Variants in ACADSB observed in about 807,000 individuals in gnomAD.
ACADSB encodes acyl-CoA dehydrogenase short/branched chain, also known as short/branched chain specific acyl-CoA dehydrogenase, mitochondrial.
ACADSB carries 40 observed loss-of-function variants against 54.1 expected under a neutral mutation model. The ratio of observed to expected loss-of-function variants is 0.74; its 90% CI spans 0.57 to 0.96. The LOEUF (loss-of-function observed/expected upper bound fraction) is 0.96. Ranked by LOEUF, ACADSB falls within the 40% of genes least tolerant of loss-of-function variation. The pLI is 0.00. For missense variants in ACADSB, 530 were observed against 510.4 expected (o/e 1.04, Z -0.37); for synonymous variants, 182 against 182.8 (o/e 1.00, Z 0.03).
intron 1 of ACADSB, among the ~76,000 whole-genome samples, chr10:123,014,157 C>T (rs1850082270): frequency 6.6e-6 from 1 of 152,064 alleles, no homozygotes. Flanking sequence ...CTCTCTCTTT[C>T]TCTCCCCTCA....
At chr10:123,031,713 C>T (rs1850329577) in intron 1 of ACADSB, among the ~76,000 whole-genome samples, 1 of 152,202 alleles carries the variant, frequency 6.6e-6, no homozygotes, top group Non-Finnish European at 1.5e-5. Flanking sequence ...GGATTCCATT[C>T]ACTTAGCATA....
chr10:123,019,729 G>A (rs1425981726), intron 1 of ACADSB, among the ~76,000 whole-genome samples: 1 of 152,158 alleles, frequency 6.6e-6, no homozygotes, highest in Non-Finnish European at 1.5e-5. Flanking sequence ...ACATGTATAT[G>A]TGTGTGTAGG....
chr10:123,018,858 C>T (rs1190219935), intron 1 of ACADSB, among the ~76,000 whole-genome samples: 9 of 152,040 alleles, frequency 5.9e-5, no homozygotes, highest in African/African-American at 1.5e-4. Context: ...AGGAACAACC[C>T]GCCCCCATGA....
intron 1 of ACADSB, among the ~76,000 whole-genome samples, chr10:123,011,679 A>G (rs1850038701): frequency 1.3e-5 from 2 of 151,816 alleles, no homozygotes; most frequent in Admixed American, 6.6e-5. Flanking sequence ...GGCGCCTGCC[A>G]CCTTGCCTGG....
At chr10:123,018,337 G>A (rs1314355550) in intron 1 of ACADSB, among the ~76,000 whole-genome samples, 1 of 152,108 alleles carries the variant, frequency 6.6e-6, no homozygotes, top group Non-Finnish European at 1.5e-5. Flanking sequence ...CCTTTGTGTT[G>A]ATTCCCTTGC....
At chr10:123,027,558 C>T (rs1393735629) in intron 1 of ACADSB, 1 of 455,372 alleles carries the variant, frequency 2.2e-6, no homozygotes, top group East Asian at 7.0e-5. Flanking sequence ...TTGCCTCCTG[C>T]CATGGTTCAG....
chr10:123,009,717 C>G (rs956823254), intron 1 of ACADSB, among the ~76,000 whole-genome samples: 1 of 152,200 alleles, frequency 6.6e-6, no homozygotes, highest in East Asian at 1.9e-4. Flanking sequence ...CTTCCATGAA[C>G]TTAAGCTGAA....
intron 6 of ACADSB, 22 bp downstream of exon 6, chr10:123,043,193 G>A: frequency 1.2e-6 from 2 of 1,612,638 alleles, no homozygotes; most frequent in Non-Finnish European, 1.7e-6. Flanking sequence ...AGACTAATCA[G>A]TAAAAGACTG....
Position 123,051,029 on chromosome 10 carries a change from C to G in ACADSB, c.991-20C>G. 6.2e-7 allele frequency: 1 copy of G among 1,610,352 alleles called. No individual in the cohort carries two copies. Among genetic ancestry groups the G allele is most frequent in the Non-Finnish European group, 8.5e-7 (1 of 1,178,954 alleles). On this transcript the variant is annotated intron_variant, in intron 8 of 10. Transcript: ENST00000358776. ...CTTTTTTGAAATCATAATTCTCTAA[C>G]TTGGGCCTGACTGTTACAGGGCCTC...
chr10:123,010,938 A>G (rs1589729248), intron 1 of ACADSB, among the ~76,000 whole-genome samples: 1 of 152,198 alleles, frequency 6.6e-6, no homozygotes, highest in East Asian at 1.9e-4. Flanking sequence ...ACCATTGGGG[A>G]AGTGATAGGC....
intron 5 of ACADSB, among the ~76,000 whole-genome samples, chr10:123,042,339 A>AT (rs1850486444): frequency 6.6e-6 from 1 of 151,906 alleles, no homozygotes; most frequent in African/African-American, 2.4e-5. Context: ...TAGTACATTT[A>AT]TTTTTAAGAA....
At chr10:123,011,181 C>G (rs976898758) in intron 1 of ACADSB, among the ~76,000 whole-genome samples, 1 of 152,134 alleles carries the variant, frequency 6.6e-6, no homozygotes, top group Non-Finnish European at 1.5e-5. Flanking sequence ...TGGTTTCTAT[C>G]CAGAGGCAAA....
Position 123,040,668 on chromosome 10 carries a change from A to G in ACADSB, c.506A>G (p.Glu169Gly). The G allele has an allele frequency of 6.2e-7, 1 of 1,610,314 alleles. No homozygotes were observed. The highest frequency in any genetic ancestry group is 8.5e-7 in the Non-Finnish European group (1 of 1,176,556). The change falls in exon 4 of 11, where the codon GAA becomes GGA. Residue 169 changes from glutamate to glycine, a missense_variant. Glu to Gly is a moderately conservative substitution (Grantham distance 98). Transcript: ENST00000358776. ...ACCTATTTGCCTCAGCTCACTACAG[A>G]AAAAGTGAGTTGAGATGAATTGTTG... ...KATYLPQLTT[E>G]KVGSFCLSEA...
intron 2 of ACADSB, 116 bp from the exon 3 acceptor site, chr10:123,037,631 T>A: frequency 1.5e-6 from 1 of 663,138 alleles, no homozygotes; most frequent in African/African-American, 1.8e-5. Flanking sequence ...ATTTTAAAAA[T>A]ATAAGAAGGG....
intron 1 of ACADSB, among the ~76,000 whole-genome samples, chr10:123,023,859 T>C (rs1284183814): frequency 2.6e-5 from 4 of 152,228 alleles, no homozygotes; most frequent in Non-Finnish European, 4.4e-5. Context: ...TTGTCATCTG[T>C]GAAAGAAAAT....
At position 123,009,044 on chromosome 10, in the gene ACADSB, A is replaced by C; in HGVS notation, c.15A>C (p.Ala5=). MEGL[A]VRLLRGSRLL... ...CTGCGGCGAGGATGGAGGGCCTGGC[A>C]GTGCGGTTGCTGCGCGGCAGCAGGC... The change falls in exon 1 of 11, where the codon GCA becomes GCC. Residue 5 remains alanine (A), a synonymous_variant. Transcript: ENST00000358776. 6.5e-7 allele frequency: 1 copy of C among 1,548,020 alleles called. No individual in the cohort carries two copies. Among genetic ancestry groups the C allele is most frequent in the Non-Finnish European group, 8.7e-7 (1 of 1,146,792 alleles).
intron 1 of ACADSB, among the ~76,000 whole-genome samples, chr10:123,028,063 T>G (rs1035965096): frequency 3.9e-5 from 6 of 152,190 alleles, no homozygotes; most frequent in African/African-American, 1.4e-4. Context: ...GGTTGCATGC[T>G]TGATTCATCT....
At chr10:123,019,819 C>T (rs1158910498) in intron 1 of ACADSB, among the ~76,000 whole-genome samples, 1 of 152,142 alleles carries the variant, frequency 6.6e-6, no homozygotes, top group Non-Finnish European at 1.5e-5. Context: ...CATAAGGATC[C>T]CTTGTGTTGT....
In ACADSB at chr10:123,025,470, T is replaced by A. The variant is rs889648132; in HGVS notation, c.43-8886T>A. Among the ~76,000 whole-genome samples, 6 of 113,570 alleles carry A rather than the reference T, an allele frequency of 5.3e-5. No homozygotes were observed. The East Asian group carries it at 1.0e-3, about 19-fold the overall frequency. The allele number at this position is 113,570 out of a possible 152,430, so 74.5% of individuals were successfully genotyped here. A position where few individuals can be genotyped will look rare whatever the true frequency, so the allele number is the denominator to read the frequency against. On this transcript the variant is annotated intron_variant, in intron 1 of 10. Coordinates refer to ENST00000358776, the MANE Select transcript of ACADSB (RefSeq NM_001609.4). ...CAAAGTGAGACCCTGTCACGAAAAA[T>A]AAATAAATAAATAAATAAATAAAAT...
Sources: gnomAD v4.1 joint callset for allele counts (sites outside exome capture counted in the v4.1 genomes callset) on GRCh38, gnomAD v4.1.1 for gene constraint, MANE v1.5 for transcripts, NCBI Gene and HGNC (gene_info 2026-07-23, HGNC 2026-07-21) for gene names.